MSH5: variants seen among roughly 807,000 people sequenced by gnomAD.
MSH5 encodes mutS homolog 5.
MSH5 carries 78 observed loss-of-function variants against 107.7 expected under a neutral mutation model. That is an observed-to-expected ratio of 0.72 (90% CI 0.60 to 0.87). The LOEUF (loss-of-function observed/expected upper bound fraction) is 0.87. Ranked by LOEUF, MSH5 falls within the 40% of genes least tolerant of loss-of-function variation. The probability of loss-of-function intolerance (pLI) is 0.00; values close to 1 mark genes in which losing one functional copy is unlikely to be tolerated. For missense variants in MSH5, 889 were observed against 1,046.6 expected, an observed-to-expected ratio of 0.85 and a Z score of 2.08; for synonymous variants, 326 against 399.5, an observed-to-expected ratio of 0.82 and a Z score of 2.19.
In MSH5 at chr6:31,758,778, T is replaced by C. The variant is rs1438957659; in HGVS notation, c.1229T>C (p.Leu410Pro). The C allele has an allele frequency of 1.9e-6, 3 of 1,614,192 alleles. No individual in the cohort carries two copies. Among genetic ancestry groups the C allele is most frequent in the Non-Finnish European group, 2.5e-6 (3 of 1,180,012 alleles). ...DPEIDEKKRRLMGLPSFLTEV... is the reference protein window; with the variant it reads ...DPEIDEKKRRPMGLPSFLTEV... The stretch of plus-strand genomic sequence containing the variant: ...TCCACCCTCGTAGAAAAGCGAAGAC[T>C]GATGGGACTTCCCAGTTTCCTTACT... Residue 410 changes from leucine (L) to proline (P), a missense_variant, in exon 15 of 25, where the codon CTG becomes CCG. Leu to Pro is a moderately conservative substitution (Grantham distance 98). This residue lies in a region of MSH5 where 518 missense variants were observed against 565.0 expected (regional missense o/e 0.92). Coordinates refer to ENST00000375750, the MANE Select transcript of MSH5 (RefSeq NM_172166.4). The surrounding 1 kb of genome is among the most constrained non-coding windows in gnomAD (Gnocchi z 5.1).
In MSH5 at chr6:31,761,097, C is replaced by A; in HGVS notation, c.1963-91C>A. ...AGAACTTGCAGTGCAGTAGGGAGGG[C>A]ATGTATACAGCTTTATTCACAGGCC... On this transcript the variant is annotated intron_variant, in intron 20 of 24. Coordinates refer to ENST00000375750, the MANE Select transcript of MSH5 (RefSeq NM_172166.4). This position sits in a 1 kb window ranked among gnomAD's most constrained non-coding sequence, Gnocchi z 5.3. 8.0e-7 allele frequency: 1 copy of A among 1,255,786 alleles called. No homozygotes were observed. Among genetic ancestry groups the A allele is most frequent in the Non-Finnish European group, 1.1e-6 (1 of 879,242 alleles). 77.8% of individuals were successfully genotyped at this position (1,255,786 alleles called of 1,614,324 possible).
In MSH5 at chr6:31,762,496, C is replaced by G. The variant is rs774946202; in HGVS notation, c.2470C>G (p.Gln824Glu). 6.2e-7 allele frequency: 1 copy of G among 1,614,058 alleles called. No individual in the cohort carries two copies. The highest frequency in any genetic ancestry group is 2.2e-5 in the East Asian group (1 of 44,888). Residue 824 changes from glutamine (Q) to glutamate (E), a missense_variant, in exon 25 of 25, where the codon CAG (glutamine) becomes GAG (glutamate). By Grantham distance (29) the Gln-to-Glu change is conservative. Coordinates refer to ENST00000375750, the MANE Select transcript of MSH5 (RefSeq NM_172166.4). ...PNLDLNVFMS[Q>E]EVLPAATSIL ...CCTGGACTTGAACGTTTTCATGAGC[C>G]AGGAAGTGCTGCCTGCTGCCACCAG...
chr6:31,762,027 GTC>G, intron 23 of MSH5, 72 bp downstream of exon 23: 1 of 1,612,672 alleles, frequency 6.2e-7, no homozygotes. Flanking sequence ...CTGGGCCTGG[GTC>G]TAGGTCCACA....
Position 31,760,001 on chromosome 6 carries a change from T to C in MSH5, c.1685+26T>C. On this transcript the variant is annotated intron_variant, in intron 18 of 24. Transcript: ENST00000375750. The surrounding 1 kb of genome is among the most constrained non-coding windows in gnomAD (Gnocchi z 5.6). ...GTAAGAATAGAGGCGGGTGGAGGAA[T>C]AGACATGAGGGGCCCAAAGGCTACA... 1.2e-6 allele frequency: 2 copies of C among 1,612,934 alleles called. No homozygotes were observed. Among genetic ancestry groups the C allele is most frequent in the Non-Finnish European group, 1.7e-6 (2 of 1,179,616 alleles).
chr6:31,753,899 T>C (rs1477782081), intron 12 of MSH5: 1 of 385,070 alleles, frequency 2.6e-6, no homozygotes, highest in Non-Finnish European at 4.9e-6. Flanking sequence ...CAAATTTTTG[T>C]ATTTTTAGTA....
Position 31,758,174 on chromosome 6 carries a change from A to C in MSH5, c.1024A>C (p.Ser342Arg). The change falls in exon 13 of 25, where the codon AGT becomes CGT. Residue 342 changes from serine to arginine, a missense_variant. Physicochemically the swap from Ser to Arg is moderately radical, Grantham distance 110. Transcript: ENST00000375750. This position sits in a 1 kb window ranked among gnomAD's most constrained non-coding sequence, Gnocchi z 5.1. ...TGTGTTTCTCTCACAGACTGTGTAC[A>C]GTGCCCTGGGCCTGAGGGATGCCTG... ...DWQVLYKTVY[S>R]ALGLRDACRS... 1 of 1,613,050 alleles carries C rather than the reference A, an allele frequency of 6.2e-7. No individual in the cohort carries two copies.
chr6:31,740,736 G>A lies in MSH5; in HGVS notation c.147+123G>A. ...AGCACTTTGGGAGACTGAGGCGGGCGGATCACCTGAGCTCAGGAGTTGGAG... is the reference window on the plus strand; with the variant it reads ...AGCACTTTGGGAGACTGAGGCGGGCAGATCACCTGAGCTCAGGAGTTGGAG... On this transcript the variant is annotated intron_variant, in intron 2 of 24. Coordinates refer to ENST00000375750, the MANE Select transcript of MSH5 (RefSeq NM_172166.4). The surrounding 1 kb of genome is among the most constrained non-coding windows in gnomAD (Gnocchi z 4.4). 1.8e-6 allele frequency: 2 copies of A among 1,130,898 alleles called. No homozygotes were observed. The highest frequency in any genetic ancestry group is 3.0e-5 in the East Asian group (1 of 33,702). 70.1% of individuals were successfully genotyped at this position (1,130,898 alleles called of 1,614,324 possible). A position where few individuals can be genotyped will look rare whatever the true frequency, so the allele number is the denominator to read the frequency against.
intron 23 of MSH5, 42 bp from the exon 24 acceptor site, chr6:31,762,070 C>A: frequency 6.2e-7 from 1 of 1,612,978 alleles, no homozygotes; most frequent in Non-Finnish European, 8.5e-7. Flanking sequence ...CCCTTCTCTT[C>A]CCCACTCCCC....
At chr6:31,756,617 G>A (rs1463847871) in intron 12 of MSH5, 1 of 151,898 alleles carries the variant, frequency 6.6e-6, no homozygotes, top group African/African-American at 2.4e-5. Flanking sequence ...TAGAAATACA[G>A]AAAATTGCTT....
chr6:31,754,094 C>G (rs1435238681), intron 12 of MSH5: 2 of 156,564 alleles, frequency 1.3e-5, no homozygotes, highest in Admixed American at 1.2e-4. Context: ...ATAATTAACC[C>G]CCATGTACCC....
Position 31,759,109 on chromosome 6 carries a change from C to T in MSH5, c.1339C>T (p.Leu447Phe). The T allele has an allele frequency of 6.2e-7, 1 of 1,613,014 alleles. No homozygotes were observed. The highest frequency in any genetic ancestry group is 1.7e-5 in the Admixed American group (1 of 60,020). ...VIYIPLIGFL[L>F]SIPRLPSMVE... is the part of the protein sequence containing the mutation. ...TTACTCTCCCCAGATTGGCTTCCTT[C>T]TTTCTATTCCCCGCCTGCCTTCCAT... The change falls in exon 16 of 25, where the codon CTT (leucine) becomes TTT (phenylalanine). Residue 447 changes from leucine (L) to phenylalanine (F), a missense_variant. Physicochemically the swap from Leu to Phe is conservative, Grantham distance 22 (BLOSUM62 0). Transcript: ENST00000375750. This position sits in a 1 kb window ranked among gnomAD's most constrained non-coding sequence, Gnocchi z 4.7.
In MSH5 at chr6:31,759,717, AGGGGCCTCTGCCTCTCCTTC is replaced by A; in HGVS notation, c.1496-68_1496-49del. 6.4e-7 allele frequency: 1 copy of A among 1,553,814 alleles called. No homozygotes were observed. ...CTGCAACCTGTTTCCAGATCCCCCTAGGGGCCTCTGCCTCTCCTTCACTTTCCCCTGGAACTGACCTCCAG... is the reference window on the plus strand; with the variant it reads ...CTGCAACCTGTTTCCAGATCCCCCTAACTTTCCCCTGGAACTGACCTCCAG... On this transcript the variant is annotated intron_variant, in intron 17 of 24. Transcript: ENST00000375750. This position sits in a 1 kb window ranked among gnomAD's most constrained non-coding sequence, Gnocchi z 4.7.
At position 31,762,172 on chromosome 6, in the gene MSH5, A is replaced by C. The variant is rs1202856417; in HGVS notation, c.2380A>C (p.Asn794His). 3 of 1,614,200 alleles carry C rather than the reference A, an allele frequency of 1.9e-6. No homozygotes were observed. The East Asian group carries it at 6.7e-5, about 36-fold the overall frequency. The change falls in exon 24 of 25, where the codon AAC (asparagine) becomes CAC (histidine). Residue 794 changes from asparagine (N) to histidine (H), a missense_variant. Asn to His is a moderately conservative substitution (Grantham distance 68). Around this residue, in one of 3 missense-constraint regions of MSH5, gnomAD observed 362 missense variants for 456.2 expected, o/e 0.79. Transcript: ENST00000375750. ...IKPVKDLLKK[N>H]QMENCQTLVD... ...GCCTGTCAAGGATTTGCTAAAGAAG[A>C]ACCAAATGGAAAAGTGCGTATATGG...
chr6:31,759,549 G>A lies in MSH5; in HGVS notation c.1495+37G>A. On this transcript the variant is annotated intron_variant, in intron 17 of 24. Coordinates refer to ENST00000375750, the MANE Select transcript of MSH5 (RefSeq NM_172166.4). This position sits in a 1 kb window ranked among gnomAD's most constrained non-coding sequence, Gnocchi z 4.7. ...CCAGAGGTTATATGCATTGTAAGAT[G>A]TTTAAAAAAAGCAGCAGCCAGGGGA... 6.2e-7 allele frequency: 1 copy of A among 1,605,834 alleles called. No individual in the cohort carries two copies. Among genetic ancestry groups the A allele is most frequent in the Non-Finnish European group, 8.5e-7 (1 of 1,175,308 alleles).
intron 12 of MSH5, chr6:31,757,875 G>C: frequency 2.0e-6 from 1 of 489,332 alleles, no homozygotes; most frequent in Admixed American, 3.7e-5. Flanking sequence ...TCACCATGTT[G>C]GTGAGGCTGA....
rs1251752963 is a variant in MSH5 at position 31,760,908 on chromosome 6, A to G, written c.1962+69A>G. On this transcript the variant is annotated intron_variant, in intron 20 of 24. Coordinates refer to ENST00000375750, the MANE Select transcript of MSH5 (RefSeq NM_172166.4). The surrounding 1 kb of genome is among the most constrained non-coding windows in gnomAD (Gnocchi z 5.6). Reference sequence around the variant, plus strand: ...GGGAAAGGAACCCCTGAAAATGCTCATAACAGGAAAGCATGCCCTCTGCTG... The same window carrying G: ...GGGAAAGGAACCCCTGAAAATGCTCGTAACAGGAAAGCATGCCCTCTGCTG... The G allele has an allele frequency of 3.3e-6, 5 of 1,530,502 alleles. No homozygotes were observed. In the East Asian group the frequency reaches 9.3e-5, roughly 29 times the overall value. 94.8% of individuals were successfully genotyped at this position (1,530,502 alleles called of 1,614,324 possible). A position where few individuals can be genotyped will look rare whatever the true frequency, so the allele number is the denominator to read the frequency against.
At position 31,761,779 on chromosome 6, in the gene MSH5, A is replaced by G. The variant is rs749776322; in HGVS notation, c.2182-39A>G. On this transcript the variant is annotated intron_variant, in intron 22 of 24. Coordinates refer to ENST00000375750, the MANE Select transcript of MSH5 (RefSeq NM_172166.4). The surrounding 1 kb of genome is among the most constrained non-coding windows in gnomAD (Gnocchi z 5.3). ...GGCCAAGGGTTTCAGGACAGGAAGG[A>G]GGTGATTGATGATACACTGTCTTTT... 2 of 1,612,910 alleles carry G rather than the reference A, an allele frequency of 1.2e-6. No homozygotes were observed. The highest frequency in any genetic ancestry group is 1.7e-5 in the Admixed American group (1 of 59,994).
rs999167484 is a variant in MSH5 at position 31,750,435 on chromosome 6, C to G, written c.813-2866C>G. On this transcript the variant is annotated intron_variant, in intron 10 of 24. Coordinates refer to ENST00000375750, the MANE Select transcript of MSH5 (RefSeq NM_172166.4). ...ACAGTATGCTCTAAAGGGCACTGTC[C>G]TAGGAGTCTGGAGACATGATTTTGA... is the stretch of plus-strand genomic sequence containing the variant. Among the ~76,000 whole-genome samples the G allele has an allele frequency of 6.6e-5, 10 of 152,156 alleles. 1 individual carries two copies. Among genetic ancestry groups the G allele is most frequent in the Admixed American group, 3.9e-4 (6 of 15,262 alleles).
At chr6:31,748,577 G>A (rs1027585582) in intron 10 of MSH5, among the ~76,000 whole-genome samples, 1 of 151,768 alleles carries the variant, frequency 6.6e-6, no homozygotes, top group African/African-American at 2.4e-5. Flanking sequence ...TCGAACTCCT[G>A]GTGATCCGCC....
Sources: gnomAD v4.1 joint callset for allele counts (sites outside exome capture counted in the v4.1 genomes callset) on GRCh38, gnomAD v4.1.1 for gene constraint, gnomAD v4.1.1 regional missense constraint, Gnocchi (gnomAD v3.1) non-coding constraint, MANE v1.5 for transcripts, NCBI Gene and HGNC (gene_info 2026-07-23, HGNC 2026-07-21) for gene names.